The following IPCEF1 variants were observed in gnomAD, a reference collection of about 807,000 sequenced individuals.
The protein encoded by IPCEF1 is interactor protein for cytohesin exchange factors 1.
A neutral mutation model predicts 50.9 loss-of-function variants in IPCEF1; 31 were observed. The observed-to-expected ratio is 0.61, with a 90% CI of 0.46 to 0.82. The LOEUF (loss-of-function observed/expected upper bound fraction) is 0.82, where lower values mean the gene tolerates loss of function less well. Ranked by LOEUF, IPCEF1 falls within the 40% of genes least tolerant of loss-of-function variation. The pLI, the probability that IPCEF1 is intolerant of heterozygous loss-of-function variation, is 0.00. For missense variants in IPCEF1, 458 were observed against 514.0 expected (o/e 0.89, Z 1.05); for synonymous variants, 181 against 192.0 (o/e 0.94, Z 0.47).
intron 2 of IPCEF1, among the ~76,000 whole-genome samples, chr6:154,273,905 C>T (rs1339963575): frequency 1.3e-5 from 2 of 151,224 alleles, no homozygotes; most frequent in Non-Finnish European, 3.0e-5. Context: ...AGGCGCCCGC[C>T]ACCACACCCG....
At chr6:154,231,699 C>T (rs1779733945) in intron 5 of IPCEF1, among the ~76,000 whole-genome samples, 1 of 152,040 alleles carries the variant, frequency 6.6e-6, no homozygotes, top group African/African-American at 2.4e-5. Context: ...CGAAAAGAAA[C>T]ATGGGAAAAT....
chr6:154,186,681 C>T (rs971987400), intron 10 of IPCEF1, among the ~76,000 whole-genome samples: 8 of 152,040 alleles, frequency 5.3e-5, no homozygotes, highest in Non-Finnish European at 7.4e-5. Context: ...CTCAGCCTCC[C>T]GAGTAGCTGG....
In IPCEF1 at chr6:154,271,206, T is replaced by A. The variant is rs541793384; in HGVS notation, c.-17-5242A>T. ...AGACCCCATCTCTACAAAAAAAAAA[T>A]AAATAAATAAGAAAAATCAGCCCTG... On this transcript the variant is annotated intron_variant, in intron 2 of 11. Coordinates refer to ENST00000367220, the MANE Select transcript of IPCEF1 (RefSeq NM_001130700.2). Among the ~76,000 whole-genome samples the A allele has an allele frequency of 5.3e-3, 768 of 144,588 alleles. 8 individuals carry two copies. Among genetic ancestry groups the A allele is most frequent in the African/African-American group, 0.018 (734 of 39,836 alleles). The allele number at this position is 144,588 out of a possible 152,430, so 94.9% of individuals were successfully genotyped here.
chr6:154,223,152 A>C lies in IPCEF1; in HGVS notation c.320+18T>G. 1 of 1,598,912 alleles carries C rather than the reference A, an allele frequency of 6.3e-7. No individual in the cohort carries two copies. On this transcript the variant is annotated intron_variant, in intron 6 of 11. Transcript: ENST00000367220. ...GTATCCTGGCTCAGAGTTTTGTGGA[A>C]GATGAGAGACAACTTACTGCTTTTT...
intron 9 of IPCEF1, among the ~76,000 whole-genome samples, chr6:154,210,856 T>G (rs73001411): frequency 0.083 from 12,466 of 149,846 alleles, 1,008 homozygotes; most frequent in East Asian, 0.42. Flanking sequence ...CAACAATATT[T>G]ATGTCTTTTC....
intron 5 of IPCEF1, among the ~76,000 whole-genome samples, chr6:154,239,634 A>G (rs1239895271): frequency 6.6e-6 from 1 of 152,216 alleles, no homozygotes; most frequent in African/African-American, 2.4e-5. Context: ...TTTCTAATGC[A>G]AATTCTAGGA....
intron 5 of IPCEF1, among the ~76,000 whole-genome samples, chr6:154,231,812 G>A (rs1016624813): frequency 1.3e-5 from 2 of 152,254 alleles, no homozygotes; most frequent in African/African-American, 4.8e-5. Flanking sequence ...CTTTGGAATC[G>A]GGTACATGAT....
chr6:154,303,816 G>A lies in IPCEF1; in HGVS notation c.-61-14060C>T, dbSNP rs139545092. On this transcript the variant is annotated intron_variant, in intron 1 of 11. Coordinates refer to ENST00000367220, the MANE Select transcript of IPCEF1 (RefSeq NM_001130700.2). ...TGCACCTGTGGCCCTAATTACATGC[G>A]AGGCTGAGTCAGGACAATTGCTTGA... is the stretch of plus-strand genomic sequence containing the variant. Among the ~76,000 whole-genome samples the A allele has an allele frequency of 5.8e-4, 89 of 152,284 alleles. 1 individual carries two copies. Among genetic ancestry groups the A allele is most frequent in the African/African-American group, 1.9e-3 (81 of 41,548 alleles).
intron 2 of IPCEF1, among the ~76,000 whole-genome samples, chr6:154,280,582 A>G (rs1470250722): frequency 1.3e-5 from 2 of 152,244 alleles, no homozygotes; most frequent in African/African-American, 4.8e-5. Flanking sequence ...GAATATAAAC[A>G]ATATGATTCC....
chr6:154,230,964 A>G (rs1184694019), intron 5 of IPCEF1, among the ~76,000 whole-genome samples: 4 of 152,314 alleles, frequency 2.6e-5, no homozygotes, highest in South Asian at 2.1e-4. Context: ...CATTGAGCAA[A>G]TTTAATGAGG....
chr6:154,282,663 G>C (rs1583943196), intron 2 of IPCEF1, among the ~76,000 whole-genome samples: 1 of 152,246 alleles, frequency 6.6e-6, no homozygotes, highest in African/African-American at 2.4e-5. Flanking sequence ...GTCTGGCCTG[G>C]GCAAAAGAGC....
chr6:154,295,072 C>T (rs1782609969), intron 1 of IPCEF1, among the ~76,000 whole-genome samples: 1 of 151,924 alleles, frequency 6.6e-6, no homozygotes, highest in Non-Finnish European at 1.5e-5. Flanking sequence ...GTGGCGGTCC[C>T]CTGTGGTCCC....
At chr6:154,160,452 T>C (rs1419496321) in intron 11 of IPCEF1, among the ~76,000 whole-genome samples, 1 of 152,222 alleles carries the variant, frequency 6.6e-6, no homozygotes, top group African/African-American at 2.4e-5. Context: ...ACCTAGGACA[T>C]ATGGCAACAT....
At chr6:154,280,111 A>C (rs1782169140) in intron 2 of IPCEF1, among the ~76,000 whole-genome samples, 1 of 152,236 alleles carries the variant, frequency 6.6e-6, no homozygotes, top group Admixed American at 6.5e-5. Context: ...CCAGTGGAAA[A>C]TTATTTTGGA....
At chr6:154,316,736 G>C (rs934219325) in intron 1 of IPCEF1, among the ~76,000 whole-genome samples, 1 of 152,136 alleles carries the variant, frequency 6.6e-6, no homozygotes, top group Non-Finnish European at 1.5e-5. Flanking sequence ...TTGTATTCCT[G>C]AAAATCACTA....
At chr6:154,244,466 AT>A (rs1780872996) in intron 5 of IPCEF1, among the ~76,000 whole-genome samples, 1 of 152,192 alleles carries the variant, frequency 6.6e-6, no homozygotes, top group African/African-American at 2.4e-5. Flanking sequence ...AATGCTGCTA[AT>A]CTAACTGTAT....
At chr6:154,330,554 G>A (rs1446132191) in intron 1 of IPCEF1, among the ~76,000 whole-genome samples, 3 of 151,894 alleles carry the variant, frequency 2.0e-5, no homozygotes, top group Admixed American at 6.6e-5. Flanking sequence ...TAAGTCCTGG[G>A]CTCAAGCGAT....
chr6:154,290,892 C>CTTTT (rs1562581565), intron 1 of IPCEF1, among the ~76,000 whole-genome samples: 1 of 92,172 alleles, frequency 1.1e-5, no homozygotes, highest in Admixed American at 1.3e-4. Context: ...GAATATATTG[C>CTTTT]CTTTTTTTTT....
intron 9 of IPCEF1, among the ~76,000 whole-genome samples, chr6:154,212,480 A>C (rs1420149260): frequency 6.6e-6 from 1 of 152,252 alleles, no homozygotes; most frequent in Non-Finnish European, 1.5e-5. Flanking sequence ...ACTGTCAAAG[A>C]AGTCTTTGCA....
Sources: gnomAD v4.1 joint callset for allele counts (sites outside exome capture counted in the v4.1 genomes callset) on GRCh38, gnomAD v4.1.1 for gene constraint, MANE v1.5 for transcripts, NCBI Gene and HGNC (gene_info 2026-07-23, HGNC 2026-07-21) for gene names.